The following AP5Z1 variants were observed in gnomAD, a reference collection of about 807,000 sequenced individuals.
AP5Z1 encodes AP-5 complex subunit zeta-1.
In AP5Z1, 106 loss-of-function variants were observed where a neutral mutation model predicts 83.0. The ratio of observed to expected loss-of-function variants is 1.28; its 90% CI spans 1.09 to 1.50. The LOEUF (loss-of-function observed/expected upper bound fraction) is 1.50. Among genes scored for constraint, AP5Z1 ranks in the 40% most tolerant of loss-of-function variants. The probability of loss-of-function intolerance (pLI) is 0.00; values close to 1 mark genes in which losing one functional copy is unlikely to be tolerated. For synonymous variants in AP5Z1, 751 were observed against 514.1 expected, an observed-to-expected ratio of 1.46 and a Z score of -6.23; for missense variants, 1,565 against 1,094.2, an observed-to-expected ratio of 1.43 and a Z score of -6.07.
At chr7:4,779,221 CATATATT>C (rs1472269459) in intron 1 of AP5Z1, among the ~76,000 whole-genome samples, 2 of 145,186 alleles carry the variant, frequency 1.4e-5, no homozygotes, top group African/African-American at 5.1e-5. Flanking sequence ...TTATGTATAA[CATATATT>C]AGATATAACA....
In AP5Z1 at chr7:4,791,099, GA is replaced by G. The variant is rs1781754320; in HGVS notation, c.2154-15del. ...GGGGAGCATCTGCAGCTGACGGAGG[GA>G]CCTTCTTTCCCCAGGGCCTCTTTAT... On this transcript the variant is annotated splice_polypyrimidine_tract_variant and intron_variant, in intron 16 of 16. Transcript: ENST00000649063. The G allele has an allele frequency of 6.4e-7, 1 of 1,563,970 alleles. No individual in the cohort carries two copies. Among genetic ancestry groups the G allele is most frequent in the Non-Finnish European group, 8.7e-7 (1 of 1,154,270 alleles).
At position 4,792,264 on chromosome 7, in the gene AP5Z1, C is replaced by CCGCCCCGAGAGCCTCA. The variant is rs1781803606; in HGVS notation, c.*887_*902dup. ...CGGGCTCAGCCGCCAGGGGGCGCCG[C>CCGCCCCGAGAGCCTCA]CGCCCCGAGAGCCTCACGCCCCGCC... On this transcript the variant is annotated 3_prime_UTR_variant, in exon 17 of 17. Coordinates refer to ENST00000649063, the MANE Select transcript of AP5Z1 (RefSeq NM_014855.3). 1.3e-5 allele frequency: 2 copies of CCGCCCCGAGAGCCTCA among 152,298 alleles called. No individual in the cohort carries two copies. Among genetic ancestry groups the CCGCCCCGAGAGCCTCA allele is most frequent in the African/African-American group, 4.8e-5 (2 of 41,426 alleles). 9.4% of individuals were successfully genotyped at this position (152,298 alleles called of 1,614,324 possible).
rs1187968092 is a variant in AP5Z1 at position 4,784,956 on chromosome 7, C to G, written c.839C>G (p.Thr280Ser). Residue 280 changes from threonine (T) to serine (S), a missense_variant, in exon 7 of 17, where the codon ACC (threonine) becomes AGC (serine). Transcript: ENST00000649063. ...EGSTLSVISATSSAGRLLPPR... is the reference protein window; with the variant it reads ...EGSTLSVISASSSAGRLLPPR... ...TCCACTCTGTCGGTGATCTCCGCCA[C>G]CTCCTCTGCCGGCCGCCTGCTGCCG... 7 of 1,611,846 alleles carry G rather than the reference C, an allele frequency of 4.3e-6. No individual in the cohort carries two copies. Among genetic ancestry groups the G allele is most frequent in the Non-Finnish European group, 5.9e-6 (7 of 1,179,392 alleles).
At position 4,784,956 on chromosome 7, in the gene AP5Z1, C is replaced by T; in HGVS notation, c.839C>T (p.Thr280Ile). 3 of 1,611,964 alleles carry T rather than the reference C, an allele frequency of 1.9e-6. No individual in the cohort carries two copies. The highest frequency in any genetic ancestry group is 2.5e-6 in the Non-Finnish European group (3 of 1,179,384). ...TCCACTCTGTCGGTGATCTCCGCCA[C>T]CTCCTCTGCCGGCCGCCTGCTGCCG... ...EGSTLSVISA[T>I]SSAGRLLPPR... The change falls in exon 7 of 17, where the codon ACC becomes ATC. Residue 280 changes from threonine (T) to isoleucine (I), a missense_variant. Transcript: ENST00000649063.
chr7:4,777,353 CTTTA>C (rs10676677), intron 1 of AP5Z1, among the ~76,000 whole-genome samples: 2,875 of 148,942 alleles, frequency 0.019, 40 homozygotes, highest in Non-Finnish European at 0.029. Flanking sequence ...GAAGAGCCCT[CTTTA>C]TTTATTTATT....
Position 4,782,402 on chromosome 7 carries a change from C to T in AP5Z1, c.366+648C>T, listed in dbSNP as rs551682829. Among the ~76,000 whole-genome samples the T allele has an allele frequency of 1.8e-4, 28 of 152,228 alleles. 1 individual carries two copies. The highest frequency in any genetic ancestry group is 6.5e-4 in the African/African-American group (27 of 41,540). On this transcript the variant is annotated intron_variant, in intron 3 of 16. Transcript: ENST00000649063. The stretch of plus-strand genomic sequence containing the variant: ...TGGGGATCCAGGGGTTCACAGGCTG[C>T]CTTTGTGTGAGAGAAGCTGCTATCT...
In AP5Z1 at chr7:4,784,341, GGCCCCGAGGGCCCGGGC is replaced by G; in HGVS notation, c.761_777del (p.Gly254AspfsTer6). 6.3e-7 allele frequency: 1 copy of G among 1,597,960 alleles called. No individual in the cohort carries two copies. Among genetic ancestry groups the G allele is most frequent in the Non-Finnish European group, 8.5e-7 (1 of 1,173,930 alleles). Reference sequence around the variant, plus strand: ...GCTGCGGGCGTGGCTGCTGCACAGCGGCCCCGAGGGCCCGGGCACCCTGGACACAGGTGTGCGGGGTG... The same window carrying G: ...GCTGCGGGCGTGGCTGCTGCACAGCGACCCTGGACACAGGTGTGCGGGGTG... On this transcript the variant is annotated frameshift_variant, in exon 6 of 17. Transcript: ENST00000649063. LOFTEE classifies it high-confidence loss of function.
rs113014863 is a variant in AP5Z1 at position 4,787,637 on chromosome 7, C to G, written c.1315C>G (p.Leu439Val). 68 of 1,551,906 alleles carry G rather than the reference C, an allele frequency of 4.4e-5. 2 individuals carry two copies. In the African/African-American group the frequency reaches 5.1e-4, roughly 12 times the overall value. Residue 439 changes from leucine (L) to valine (V), a missense_variant, in exon 11 of 17, where the codon CTG becomes GTG. Coordinates refer to ENST00000649063, the MANE Select transcript of AP5Z1 (RefSeq NM_014855.3). ...RLSFPNLFKF[L>V]AWNSPPLTSE... ...AACCGCTGTGCTGTGCCCACAGTTC[C>G]TGGCCTGGAACAGCCCACCCCTCAC...
chr7:4,791,229 C>A lies in AP5Z1; in HGVS notation c.2268C>A (p.Thr756=). The A allele has an allele frequency of 6.2e-7, 1 of 1,612,836 alleles. No homozygotes were observed. Among genetic ancestry groups the A allele is most frequent in the East Asian group, 2.2e-5 (1 of 44,878 alleles). ...AIRTRATELL[T]LLKMPSVAQF... ...GTACCCGGGCCACAGAGCTGCTGACCCTGCTGAAGATGCCTAGCGTGGCCC... is the reference window on the plus strand; with the variant it reads ...GTACCCGGGCCACAGAGCTGCTGACACTGCTGAAGATGCCTAGCGTGGCCC... Residue 756 remains threonine, a synonymous_variant, in exon 17 of 17, where the codon ACC becomes ACA. Transcript: ENST00000649063.
chr7:4,787,465 G>C (rs112887769), intron 10 of AP5Z1, 169 bp from the exon 11 acceptor site: 12 of 1,020,662 alleles, frequency 1.2e-5, no homozygotes, highest in Non-Finnish European at 1.6e-5. Context: ...CAGCCTGGGC[G>C]ACAGAGCAAG....
Position 4,791,206 on chromosome 7 carries a change from A to G in AP5Z1, c.2245A>G (p.Thr749Ala). 6.2e-7 allele frequency: 1 copy of G among 1,612,544 alleles called. No homozygotes were observed. Among genetic ancestry groups the G allele is most frequent in the Non-Finnish European group, 8.5e-7 (1 of 1,179,788 alleles). The change falls in exon 17 of 17, where the codon ACC becomes GCC. Residue 749 changes from threonine (T) to alanine (A), a missense_variant. Physicochemically the swap from Thr to Ala is moderately conservative, Grantham distance 58. Coordinates refer to ENST00000649063, the MANE Select transcript of AP5Z1 (RefSeq NM_014855.3). ...CGAGGAGGGCGCGGAAGCCATCCGT[A>G]CCCGGGCCACAGAGCTGCTGACCCT... Reference protein sequence around the residue: ...HSEEGAEAIRTRATELLTLLK... With the variant: ...HSEEGAEAIRARATELLTLLK...
chr7:4,779,111 A>T (rs900682323), intron 1 of AP5Z1, among the ~76,000 whole-genome samples: 2 of 146,624 alleles, frequency 1.4e-5, no homozygotes, highest in Non-Finnish European at 3.0e-5. Flanking sequence ...TATTATATAC[A>T]TTTTTGAGAT....
In AP5Z1 at chr7:4,786,425, T is replaced by A. The variant is rs371537061; in HGVS notation, c.1308T>A (p.Phe436Leu). Residue 436 changes from phenylalanine (F) to leucine (L), a missense_variant, in exon 10 of 17, where the codon TTT becomes TTA. Physicochemically the swap from Phe to Leu is conservative, Grantham distance 22. Coordinates refer to ENST00000649063, the MANE Select transcript of AP5Z1 (RefSeq NM_014855.3). ...TCAGATTGAGCTTCCCCAACCTCTT[T>A]AAGGTATATTTGGGCATCCCTGGGT... Reference protein sequence around the residue: ...STLRLSFPNLFKFLAWNSPPL... With the variant: ...STLRLSFPNLLKFLAWNSPPL... 4 of 1,613,526 alleles carry A rather than the reference T, an allele frequency of 2.5e-6. No homozygotes were observed. The African/African-American group carries it at 5.3e-5, about 22-fold the overall frequency.
chr7:4,788,712 C>T (rs1326740290), intron 12 of AP5Z1, 128 bp from the exon 13 acceptor site: 2 of 807,696 alleles, frequency 2.5e-6, no homozygotes, highest in East Asian at 2.8e-5. Context: ...AGCAGGAGGT[C>T]CCGAGAGGCG....
Position 4,775,633 on chromosome 7 carries a change from C to A in AP5Z1, c.-83C>A. Reference sequence around the variant, plus strand: ...CCGCTGCGCTCACGTGACGCGGTCCCGGAAGTTGACCGGGGTGCGGAGCTC... The same window carrying A: ...CCGCTGCGCTCACGTGACGCGGTCCAGGAAGTTGACCGGGGTGCGGAGCTC... On this transcript the variant is annotated 5_prime_UTR_variant, in exon 1 of 17. Transcript: ENST00000649063. The A allele has an allele frequency of 6.3e-7, 1 of 1,581,956 alleles. No individual in the cohort carries two copies. The highest frequency in any genetic ancestry group is 8.6e-7 in the Non-Finnish European group (1 of 1,167,442).
Position 4,793,648 on chromosome 7 carries a change from G to A in AP5Z1, c.*2263G>A, listed in dbSNP as rs1288534716. The stretch of plus-strand genomic sequence containing the variant: ...GCCGCCGGCTAGCCCCGCCAGCCTG[G>A]GCAGTGAGGGGCTTAGCACCTGGAC... On this transcript the variant is annotated 3_prime_UTR_variant, in exon 17 of 17. Transcript: ENST00000649063. 6.6e-6 allele frequency: 1 copy of A among 152,368 alleles called. No homozygotes were observed. The highest frequency in any genetic ancestry group is 1.5e-5 in the Non-Finnish European group (1 of 68,240). The allele number at this position is 152,368 out of a possible 1,614,324, so 9.4% of individuals were successfully genotyped here.
At chr7:4,787,397 G>A (rs570709531) in intron 10 of AP5Z1, among the ~76,000 whole-genome samples, 1 of 152,168 alleles carries the variant, frequency 6.6e-6, no homozygotes, top group African/African-American at 2.4e-5. Flanking sequence ...GAGGTGGGAG[G>A]ATCACTTGAG....
intron 10 of AP5Z1, among the ~76,000 whole-genome samples, chr7:4,787,368 C>G (rs1296402907): frequency 5.9e-5 from 9 of 152,204 alleles, no homozygotes; most frequent in Non-Finnish European, 1.2e-4. Flanking sequence ...TGCCTGTAGT[C>G]TCAGCTGCTC....
chr7:4,779,873 C>T (rs1323476999), intron 1 of AP5Z1, among the ~76,000 whole-genome samples: 1 of 152,030 alleles, frequency 6.6e-6, no homozygotes. Flanking sequence ...GAACTCCTGA[C>T]CTCAGGTGAT....
Sources: gnomAD v4.1 joint callset for allele counts (sites outside exome capture counted in the v4.1 genomes callset) on GRCh38, gnomAD v4.1.1 for gene constraint, MANE v1.5 for transcripts, NCBI Gene and HGNC (gene_info 2026-07-23, HGNC 2026-07-21) for gene names.